RAB33B: variants seen among roughly 807,000 people sequenced by gnomAD.
The protein encoded by RAB33B is RAB33B, member RAS oncogene family.
Under a neutral mutation model 15.0 loss-of-function variants are expected in RAB33B, and 6 were observed. The ratio of observed to expected loss-of-function variants is 0.40; its 90% confidence interval spans 0.22 to 0.79. The LOEUF (loss-of-function observed/expected upper bound fraction) is 0.79, where lower values mean the gene tolerates loss of function less well. Ranked by LOEUF, RAB33B falls within the 30% of genes least tolerant of loss-of-function variation. RAB33B has a pLI of 0.37. For missense variants in RAB33B, 257 were observed against 296.4 expected, an observed-to-expected ratio of 0.87 and a Z score of 0.98; for synonymous variants, 117 against 108.3, an observed-to-expected ratio of 1.08 and a Z score of -0.50.
intron 1 of RAB33B, among the ~76,000 whole-genome samples, chr4:139,459,185 T>C (rs1215328558): frequency 6.7e-6 from 1 of 149,844 alleles, no homozygotes; most frequent in East Asian, 1.9e-4. Context: ...CTCACACCTG[T>C]AATCCCGGCA....
rs1750496236 is a variant in RAB33B, at chr4:139,476,032, A to C, written c.*2906A>C. 2 of 152,208 alleles carry C rather than the reference A, an allele frequency of 1.3e-5. No homozygotes were observed. The highest frequency in any genetic ancestry group is 2.9e-5 in the Non-Finnish European group (2 of 68,034). 9.4% of individuals were successfully genotyped at this position (152,208 alleles called of 1,614,324 possible). ...ATGATACACTTTTGAAAACAACAAA[A>C]AGCCCCCAACCCATTGGACAATTAT... On this transcript the variant is annotated 3_prime_UTR_variant, in exon 2 of 2. Transcript: ENST00000305626.
rs187803453 is a variant in RAB33B at position 139,466,353 on chromosome 4, G to A, written c.250-6333G>A. On this transcript the variant is annotated intron_variant, in intron 1 of 1. Transcript: ENST00000305626. ...TAATATTTTGGTATATTTCCTTTTC[G>A]TGTGCTTTTTATTTTTTATCTTGTG... is the stretch of plus-strand genomic sequence containing the variant. Among the ~76,000 whole-genome samples, 158 of 152,024 alleles carry A rather than the reference G, an allele frequency of 1.0e-3. 3 individuals are homozygous for A. The highest frequency in any genetic ancestry group is 0.01 in the South Asian group (50 of 4,822).
At chr4:139,453,748 C>T (rs865921118), upstream of RAB33B, 56 of 153,984 alleles carry the variant, frequency 3.6e-4, 1 homozygote, top group Middle Eastern at 3.4e-3. Flanking sequence ...GAGAGAGTGC[C>T]CGTGGTACCT....
the RAB33B span, among the ~76,000 whole-genome samples, chr4:139,439,968 G>T: frequency 6.6e-6 from 1 of 151,810 alleles, no homozygotes; most frequent in African/African-American, 2.4e-5. Flanking sequence ...AGTCTCTTTA[G>T]GTTTCATTTG....
chr4:139,454,112 T>C (rs1052970617), upstream of RAB33B: 31 of 1,479,410 alleles, frequency 2.1e-5, no homozygotes, highest in Non-Finnish European at 2.8e-5. Flanking sequence ...ACTGGCCGGC[T>C]GGGCGCGCGC....
At chr4:139,467,308 CTTTTTTTT>C (rs70943422) in intron 1 of RAB33B, among the ~76,000 whole-genome samples, 1 of 17,606 alleles carries the variant, frequency 5.7e-5, no homozygotes, top group African/African-American at 1.1e-4. Context: ...CCCCCCGCCG[CTTTTTTTT>C]TTTTTTTTTT....
intron 1 of RAB33B, among the ~76,000 whole-genome samples, chr4:139,464,337 G>T (rs1222009870): frequency 2.0e-5 from 3 of 147,502 alleles, no homozygotes; most frequent in African/African-American, 7.4e-5. Flanking sequence ...GACTTGATAT[G>T]ATTAGAAAGC....
the RAB33B span, among the ~76,000 whole-genome samples, chr4:139,443,787 C>A: frequency 6.6e-6 from 1 of 152,274 alleles, no homozygotes; most frequent in South Asian, 2.1e-4. Flanking sequence ...CAAGTAGCGG[C>A]AACATCCCCT....
chr4:139,462,966 G>C (rs1750202587), intron 1 of RAB33B, among the ~76,000 whole-genome samples: 1 of 152,108 alleles, frequency 6.6e-6, no homozygotes, highest in African/African-American at 2.4e-5. Flanking sequence ...AGGAATTCGA[G>C]ACCAGCCTGG....
At chr4:139,442,997 C>CT in the RAB33B span, among the ~76,000 whole-genome samples, 20,800 of 145,648 alleles carry the variant, frequency 0.14, 1,704 homozygotes, top group Non-Finnish European at 0.19. Flanking sequence ...CTGGCATGAA[C>CT]TTTTTTTTTT....
chr4:139,462,332 C>T (rs528998002), intron 1 of RAB33B, among the ~76,000 whole-genome samples: 3 of 152,046 alleles, frequency 2.0e-5, no homozygotes, highest in South Asian at 4.2e-4. Flanking sequence ...GGATTACAGG[C>T]GTGAGCCACC....
intron 1 of RAB33B, among the ~76,000 whole-genome samples, chr4:139,461,137 A>T (rs1188223938): frequency 6.6e-6 from 1 of 152,218 alleles, no homozygotes; most frequent in Non-Finnish European, 1.5e-5. Flanking sequence ...TCTGTCTGCC[A>T]GTTCCAACTG....
intron 1 of RAB33B, among the ~76,000 whole-genome samples, chr4:139,461,616 A>G (rs568169541): frequency 2.0e-5 from 3 of 152,260 alleles, no homozygotes; most frequent in African/African-American, 7.2e-5. Flanking sequence ...GTAGTGGGGA[A>G]AAAAAACAGG....
At chr4:139,449,266 AAGGATAGTTGTATTAGGTGTAATTATGAC>A, upstream of RAB33B, 1 of 152,182 alleles carries the variant, frequency 6.6e-6, no homozygotes, top group East Asian at 1.9e-4. Flanking sequence ...CAGCTGTACA[AAGGATAGTTGTATTAGGTGTAATTATGAC>A]ATTATTATTG....
the RAB33B span, among the ~76,000 whole-genome samples, chr4:139,440,421 C>A: frequency 1.3e-5 from 2 of 152,196 alleles, no homozygotes; most frequent in Admixed American, 1.3e-4. Context: ...TGACTCTCTG[C>A]ACCTCTGTGA....
chr4:139,472,574 T>C, intron 1 of RAB33B, 112 bp from the exon 2 acceptor site: 2 of 805,784 alleles, frequency 2.5e-6, no homozygotes, highest in East Asian at 5.4e-5. Context: ...AAGGGAGAAA[T>C]CAAAATATTT....
the RAB33B span, among the ~76,000 whole-genome samples, chr4:139,443,692 A>G: frequency 2.0e-5 from 3 of 152,208 alleles, no homozygotes; most frequent in Non-Finnish European, 4.4e-5. Flanking sequence ...AGAATGGGAC[A>G]CTGTAAGTTG....
chr4:139,454,038 C>A (rs1750008725), upstream of RAB33B: 2 of 818,526 alleles, frequency 2.4e-6, no homozygotes, highest in African/African-American at 1.8e-5. Context: ...AAGGGCGGGG[C>A]GGGAAGGTGC....
At chr4:139,471,958 A>G (rs550092914) in intron 1 of RAB33B, among the ~76,000 whole-genome samples, 104 of 152,262 alleles carry the variant, frequency 6.8e-4, no homozygotes, top group Admixed American at 2.2e-3. Flanking sequence ...TGAAATGACT[A>G]ATCTTTCCTG....
Sources: gnomAD v4.1 joint callset for allele counts (sites outside exome capture counted in the v4.1 genomes callset) on GRCh38, gnomAD v4.1.1 for gene constraint, MANE v1.5 for transcripts, NCBI Gene and HGNC (gene_info 2026-07-23, HGNC 2026-07-21) for gene names.